CPNE4: variants seen among roughly 807,000 people sequenced by gnomAD.
CPNE4 encodes the protein copine-4.
In CPNE4, 25 loss-of-function variants were observed where a neutral mutation model predicts 67.9. That is an observed-to-expected ratio of 0.37 (90% CI 0.27 to 0.51). The LOEUF is 0.51. Ranked by LOEUF, CPNE4 falls within the 20% of genes least tolerant of loss-of-function variation. The pLI, the probability that CPNE4 is intolerant of heterozygous loss-of-function variation, is 0.93. For missense variants in CPNE4, 464 were observed against 690.8 expected (o/e 0.67, Z 3.68); for synonymous variants, 242 against 244.9 (o/e 0.99, Z 0.11).
At chr3:132,016,605 C>T (rs1399794315) in intron 1 of CPNE4, among the ~76,000 whole-genome samples, 1 of 152,172 alleles carries the variant, frequency 6.6e-6, no homozygotes, top group Admixed American at 6.5e-5. Flanking sequence ...CCTTGAAAAA[C>T]TGGGGTAACA....
chr3:131,617,102 G>A (rs1001466290), intron 7 of CPNE4, among the ~76,000 whole-genome samples: 1 of 152,158 alleles, frequency 6.6e-6, no homozygotes, highest in African/African-American at 2.4e-5. Context: ...TTCATTAAAC[G>A]GGAACTTACC....
intron 4 of CPNE4, among the ~76,000 whole-genome samples, chr3:131,698,252 AAG>A (rs531182508): frequency 0.011 from 1,320 of 116,570 alleles, 36 homozygotes; most frequent in African/African-American, 0.042. Flanking sequence ...AAAAAAAAAA[AAG>A]AAAGAAAAGA....
At chr3:132,008,310 T>C (rs1192663647) in intron 1 of CPNE4, among the ~76,000 whole-genome samples, 1 of 152,220 alleles carries the variant, frequency 6.6e-6, no homozygotes. Flanking sequence ...AGACTTGGTA[T>C]CTGTTTTATT....
intron 7 of CPNE4, among the ~76,000 whole-genome samples, chr3:131,653,689 C>A (rs373125007): frequency 6.8e-4 from 103 of 152,296 alleles, no homozygotes; most frequent in African/African-American, 2.5e-3. Context: ...GGTCTCCTCC[C>A]CAACACGTTA....
chr3:131,786,308 T>A (rs1242720919), intron 2 of CPNE4, among the ~76,000 whole-genome samples: 1 of 152,148 alleles, frequency 6.6e-6, no homozygotes, highest in Non-Finnish European at 1.5e-5. Context: ...TCTTTATATG[T>A]CAGATGAGTT....
chr3:131,882,137 TACACACACAC>T (rs35615774), intron 2 of CPNE4, among the ~76,000 whole-genome samples: 1 of 150,682 alleles, frequency 6.6e-6, no homozygotes, highest in African/African-American at 2.4e-5. Context: ...TCAGTTCTAA[TACACACACAC>T]ACACACACAC....
chr3:132,033,382 AGTGT>A (rs935971337), intron 1 of CPNE4, among the ~76,000 whole-genome samples: 9 of 130,558 alleles, frequency 6.9e-5, no homozygotes, highest in African/African-American at 2.5e-4. Flanking sequence ...ATCCTGTGAG[AGTGT>A]GTGAGTGTGT....
At chr3:131,988,385 T>C (rs1055673316) in intron 1 of CPNE4, among the ~76,000 whole-genome samples, 1 of 152,188 alleles carries the variant, frequency 6.6e-6, no homozygotes, top group Non-Finnish European at 1.5e-5. Flanking sequence ...GAGAGTGGCA[T>C]AATCAGATTT....
chr3:131,556,200 C>T (rs1195764035), intron 11 of CPNE4, among the ~76,000 whole-genome samples: 1 of 151,920 alleles, frequency 6.6e-6, no homozygotes, highest in East Asian at 1.9e-4. Flanking sequence ...ATGGAGAAAC[C>T]CCATCTCTAC....
At chr3:131,624,003 C>T (rs905925670) in intron 7 of CPNE4, among the ~76,000 whole-genome samples, 5 of 152,184 alleles carry the variant, frequency 3.3e-5, no homozygotes, top group Non-Finnish European at 7.3e-5. Flanking sequence ...TGTTTACCAC[C>T]TTGACCTGCT....
chr3:131,933,215 T>C (rs1167204177), intron 1 of CPNE4, among the ~76,000 whole-genome samples: 1 of 152,028 alleles, frequency 6.6e-6, no homozygotes, highest in Admixed American at 6.6e-5. Flanking sequence ...GAAGAATGGA[T>C]TGGGAAAGAG....
intron 1 of CPNE4, among the ~76,000 whole-genome samples, chr3:131,956,656 A>T (rs2071983035): frequency 6.6e-6 from 1 of 152,164 alleles, no homozygotes; most frequent in African/African-American, 2.4e-5. Context: ...AACTATATAA[A>T]TATCCAAAAA....
At chr3:131,547,128 A>C (rs563000791) in intron 14 of CPNE4, among the ~76,000 whole-genome samples, 2 of 152,074 alleles carry the variant, frequency 1.3e-5, no homozygotes, top group African/African-American at 4.8e-5. Flanking sequence ...GGGCCCACGC[A>C]CTGGTGGAAA....
At chr3:131,902,047 C>A (rs778302565) in intron 2 of CPNE4, among the ~76,000 whole-genome samples, 2 of 150,348 alleles carry the variant, frequency 1.3e-5, no homozygotes, top group Non-Finnish European at 3.0e-5. Context: ...CTAATTATTT[C>A]TCTTAGCCAC....
At chr3:132,010,359 A>C (rs1454748301) in intron 1 of CPNE4, among the ~76,000 whole-genome samples, 2 of 152,202 alleles carry the variant, frequency 1.3e-5, no homozygotes, top group African/African-American at 2.4e-5. Flanking sequence ...CGAACAAAAT[A>C]TGGTTTTTAA....
At chr3:131,782,022 G>C (rs1039112893) in intron 2 of CPNE4, among the ~76,000 whole-genome samples, 1 of 152,070 alleles carries the variant, frequency 6.6e-6, no homozygotes, top group African/African-American at 2.4e-5. Context: ...GAGAACGTGA[G>C]AATATGAGAT....
At chr3:131,749,866 A>G (rs2082581495) in intron 2 of CPNE4, among the ~76,000 whole-genome samples, 1 of 152,142 alleles carries the variant, frequency 6.6e-6, no homozygotes, top group Non-Finnish European at 1.5e-5. Context: ...GTAACAGAAT[A>G]CCTGAGACTG....
intron 2 of CPNE4, among the ~76,000 whole-genome samples, chr3:131,848,977 A>C (rs1465964929): frequency 6.7e-6 from 1 of 148,604 alleles, no homozygotes; most frequent in Non-Finnish European, 1.5e-5. Flanking sequence ...AAAAAAAAAA[A>C]AAAAACACAG....
intron 1 of CPNE4, among the ~76,000 whole-genome samples, chr3:131,911,983 G>A (rs75053936): frequency 0.067 from 10,210 of 152,188 alleles, 474 homozygotes; most frequent in Middle Eastern, 0.13. Flanking sequence ...TCTAGGCCCA[G>A]AGAAGCGGAG....
Sources: allele counts gnomAD v4.1 joint callset (sites outside exome capture counted in the v4.1 genomes callset), GRCh38; gene constraint gnomAD v4.1.1; transcripts MANE v1.5; gene names NCBI Gene and HGNC (gene_info 2026-07-23, HGNC 2026-07-21).